SLC41A2: variants seen among roughly 807,000 people sequenced by gnomAD.
The protein encoded by SLC41A2 is SLC41A1-like 1.
Under a neutral mutation model 58.3 loss-of-function variants are expected in SLC41A2, and 32 were observed. The observed-to-expected ratio is 0.55, with a 90% CI of 0.41 to 0.74. The LOEUF is 0.74. SLC41A2 is among the 30% of genes least tolerant of loss of function. The pLI, the probability that SLC41A2 is intolerant of heterozygous loss-of-function variation, is 0.00. For missense variants in SLC41A2, 514 were observed against 680.6 expected, an observed-to-expected ratio of 0.76 and a Z score of 2.72; for synonymous variants, 190 against 235.0, an observed-to-expected ratio of 0.81 and a Z score of 1.75.
intron 4 of SLC41A2, among the ~76,000 whole-genome samples, chr12:104,889,495 A>G (rs1196183819): frequency 6.6e-6 from 1 of 152,176 alleles, no homozygotes; most frequent in Non-Finnish European, 1.5e-5. Context: ...AGAAGTACCC[A>G]ATCCACACAT....
At chr12:104,833,847 G>C (rs2042120781) in intron 10 of SLC41A2, among the ~76,000 whole-genome samples, 1 of 151,732 alleles carries the variant, frequency 6.6e-6, no homozygotes, top group Non-Finnish European at 1.5e-5. Flanking sequence ...TTTTATTCTG[G>C]CAAATTTCCT....
intron 3 of SLC41A2, among the ~76,000 whole-genome samples, chr12:104,906,314 C>T (rs1445652189): frequency 6.6e-6 from 1 of 152,170 alleles, no homozygotes; most frequent in African/African-American, 2.4e-5. Context: ...TGAAGGCAGA[C>T]CATGCCACCA....
intron 3 of SLC41A2, among the ~76,000 whole-genome samples, chr12:104,901,703 C>T (rs2045572699): frequency 6.6e-6 from 1 of 152,100 alleles, no homozygotes; most frequent in Non-Finnish European, 1.5e-5. Context: ...GTATGTGCCA[C>T]CAAGCCCAGC....
intron 7 of SLC41A2, among the ~76,000 whole-genome samples, chr12:104,865,731 A>T (rs2043410501): frequency 6.6e-6 from 1 of 152,140 alleles, no homozygotes. Context: ...TTAATCTAAC[A>T]TGTTTAATAG....
chr12:104,818,373 T>G (rs78999543), intron 10 of SLC41A2, among the ~76,000 whole-genome samples: 2,799 of 152,236 alleles, frequency 0.018, 104 homozygotes, highest in African/African-American at 0.063. Context: ...TCCTCTGAAA[T>G]TTAACTCAAT....
At chr12:104,813,659 A>G (rs2041271047) in intron 10 of SLC41A2, among the ~76,000 whole-genome samples, 1 of 152,176 alleles carries the variant, frequency 6.6e-6, no homozygotes, top group Non-Finnish European at 1.5e-5. Flanking sequence ...TGTTTGAGAT[A>G]GAGTCTCGTT....
chr12:104,866,649 T>C, intron 6 of SLC41A2, 70 bp from the exon 7 acceptor site: 11 of 1,305,300 alleles, frequency 8.4e-6, no homozygotes, highest in Non-Finnish European at 1.1e-5. Flanking sequence ...AGATCTAAAT[T>C]ATCAAAGTTT....
chr12:104,888,203 C>T (rs1464637707), intron 5 of SLC41A2, among the ~76,000 whole-genome samples: 15 of 151,942 alleles, frequency 9.9e-5, no homozygotes, highest in Admixed American at 9.8e-4. Context: ...GAAACTACCC[C>T]GATACAATTA....
chr12:104,894,972 A>T (rs753741522), intron 4 of SLC41A2, among the ~76,000 whole-genome samples: 2 of 152,236 alleles, frequency 1.3e-5, no homozygotes, highest in Admixed American at 1.3e-4. Flanking sequence ...TTTACTAAAC[A>T]GATATATTAA....
intron 3 of SLC41A2, among the ~76,000 whole-genome samples, chr12:104,895,939 T>C (rs934064357): frequency 6.6e-6 from 1 of 152,204 alleles, no homozygotes; most frequent in African/African-American, 2.4e-5. Flanking sequence ...ATCACCCACA[T>C]ACTCAATTGT....
intron 10 of SLC41A2, among the ~76,000 whole-genome samples, chr12:104,832,699 T>C (rs1431398937): frequency 6.6e-6 from 1 of 151,994 alleles, no homozygotes; most frequent in Non-Finnish European, 1.5e-5. Flanking sequence ...ACGCTATACC[T>C]GAACTAACAT....
intron 1 of SLC41A2, among the ~76,000 whole-genome samples, chr12:104,956,036 T>C (rs114266503): frequency 2.3e-4 from 35 of 152,352 alleles, no homozygotes; most frequent in African/African-American, 8.2e-4. Flanking sequence ...AGCTGGCCAC[T>C]AATATAAATT....
chr12:104,904,946 A>C (rs1290812705), intron 3 of SLC41A2, among the ~76,000 whole-genome samples: 2 of 152,154 alleles, frequency 1.3e-5, no homozygotes, highest in East Asian at 1.9e-4. Context: ...CGGGTTACCA[A>C]TGCTGGCTCG....
intron 7 of SLC41A2, among the ~76,000 whole-genome samples, chr12:104,865,149 C>T (rs973032609): frequency 3.3e-5 from 5 of 152,134 alleles, no homozygotes; most frequent in South Asian, 2.1e-4. Flanking sequence ...TGGTAAGTTC[C>T]CCCACAAATG....
At chr12:104,834,881 A>G (rs1474334908) in intron 10 of SLC41A2, among the ~76,000 whole-genome samples, 1 of 152,166 alleles carries the variant, frequency 6.6e-6, no homozygotes, top group Non-Finnish European at 1.5e-5. Context: ...TGGGATTCCA[A>G]TTATAGTCAT....
intron 1 of SLC41A2, among the ~76,000 whole-genome samples, chr12:104,944,696 T>A (rs1241910029): frequency 6.6e-6 from 1 of 152,148 alleles, no homozygotes; most frequent in Non-Finnish European, 1.5e-5. Flanking sequence ...GCTAAAACTA[T>A]TCTCAAAACC....
At chr12:104,950,640 G>A (rs1306471763) in intron 1 of SLC41A2, among the ~76,000 whole-genome samples, 1 of 152,122 alleles carries the variant, frequency 6.6e-6, no homozygotes, top group Non-Finnish European at 1.5e-5. Flanking sequence ...GAGATAGCTG[G>A]GACTACAGGA....
intron 1 of SLC41A2, among the ~76,000 whole-genome samples, chr12:104,946,868 G>C (rs2047737078): frequency 2.0e-5 from 3 of 152,206 alleles, no homozygotes; most frequent in South Asian, 4.2e-4. Flanking sequence ...TAAGAGCTAG[G>C]GCTTCAGAGT....
intron 3 of SLC41A2, among the ~76,000 whole-genome samples, chr12:104,898,867 A>G (rs2045424079): frequency 6.6e-6 from 1 of 152,226 alleles, no homozygotes; most frequent in South Asian, 2.1e-4. Flanking sequence ...AATGGCAAAT[A>G]AGCATTTGAA....
Sources: allele counts gnomAD v4.1 joint callset (sites outside exome capture counted in the v4.1 genomes callset), GRCh38; gene constraint gnomAD v4.1.1; transcripts MANE v1.5; gene names NCBI Gene and HGNC (gene_info 2026-07-23, HGNC 2026-07-21).